SIGLEC12: variants seen among roughly 807,000 people sequenced by gnomAD.
SIGLEC12 encodes the protein sialic acid binding Ig like lectin 12, also known as sialic acid-binding Ig-like lectin 12.
In SIGLEC12, 43 loss-of-function variants were observed where a neutral mutation model predicts 54.1. The ratio of observed to expected loss-of-function variants is 0.80; its 90% confidence interval spans 0.62 to 1.03. The LOEUF is 1.03. SIGLEC12 is among the 50% of genes least tolerant of loss of function. The probability of loss-of-function intolerance (pLI) is 0.00; values close to 1 mark genes in which losing one functional copy is unlikely to be tolerated. For missense variants in SIGLEC12, 802 were observed against 735.2 expected (o/e 1.09, Z -1.05); for synonymous variants, 357 against 307.6 (o/e 1.16, Z -1.68).
intron 7 of SIGLEC12, among the ~76,000 whole-genome samples, 189 bp downstream of exon 7, chr19:51,496,691 C>T (rs1990247611): frequency 1.3e-5 from 2 of 152,028 alleles, no homozygotes; most frequent in African/African-American, 2.4e-5. Flanking sequence ...GATCCAGAGG[C>T]TTCAGCAGTG....
At chr19:51,496,244 C>T (rs1028629640) in intron 7 of SIGLEC12, among the ~76,000 whole-genome samples, 5 of 152,116 alleles carry the variant, frequency 3.3e-5, no homozygotes, top group African/African-American at 4.8e-5. Context: ...CTGAGGCAGG[C>T]GATCACCTGA....
chr19:51,495,671 C>T (rs1333029968), intron 7 of SIGLEC12, among the ~76,000 whole-genome samples: 12 of 152,084 alleles, frequency 7.9e-5, no homozygotes, highest in African/African-American at 1.2e-4. Flanking sequence ...GGCCATATCC[C>T]TCTGTATAGA....
rs756757682 is a variant in SIGLEC12 at position 51,501,422 on chromosome 19, A to G, written c.312T>C (p.Cys104=). The G allele has an allele frequency of 1.9e-6, 3 of 1,614,178 alleles. No individual in the cohort carries two copies. Among genetic ancestry groups the G allele is most frequent in the South Asian group, 1.1e-5 (1 of 91,090 alleles). ...CTCTGGTGTCTCTGATGCTCAGGGT[A>G]CAATCCTTGTTCTGTGGGTCCCCAA... ...HLLGDPQNKD[C]TLSIRDTRES... is the part of the protein sequence containing the mutation. Residue 104 remains cysteine, a synonymous_variant, in exon 1 of 8, where the codon TGT becomes TGC. Transcript: ENST00000291707.
rs184169588 is a variant in SIGLEC12 at position 51,499,292 on chromosome 19, T to C, written c.1088-75A>G. On this transcript the variant is annotated intron_variant, in intron 3 of 7. Coordinates refer to ENST00000291707, the MANE Select transcript of SIGLEC12 (RefSeq NM_053003.4). ...TGACCCTGTCTCCCCAGGAGCCCCA[T>C]AAATGGGGAAGGTGGAGCCAGCATC... 7.2e-5 allele frequency: 115 copies of C among 1,587,512 alleles called. 1 individual carries two copies. The African/African-American group carries it at 1.5e-3, about 21-fold the overall frequency.
intron 3 of SIGLEC12, 67 bp downstream of exon 3, chr19:51,499,371 G>T: frequency 6.5e-7 from 1 of 1,546,122 alleles, no homozygotes; most frequent in Non-Finnish European, 8.7e-7. Context: ...CTTGAGTCTG[G>T]GTCCCACATC....
chr19:51,500,341 C>T, intron 1 of SIGLEC12, 41 bp from the exon 2 acceptor site: 8 of 1,614,094 alleles, frequency 5.0e-6, no homozygotes, highest in Non-Finnish European at 6.8e-6. Context: ...CACTGTCCCT[C>T]TCTTCATTTG....
chr19:51,496,982 T>G lies in SIGLEC12; in HGVS notation c.1503-6A>C, dbSNP rs1990258749. On this transcript the variant is annotated splice_polypyrimidine_tract_variant and splice_region_variant and intron_variant, in intron 6 of 7. Coordinates refer to ENST00000291707, the MANE Select transcript of SIGLEC12 (RefSeq NM_053003.4). ...TCTTCCTGCAGGACCTCACTCTGAG[T>G]GAAGAGACCAGAGAGCCTTTCAGTG... is the stretch of plus-strand genomic sequence containing the variant. 1 of 1,612,894 alleles carries G rather than the reference T, an allele frequency of 6.2e-7. No individual in the cohort carries two copies. The highest frequency in any genetic ancestry group is 8.5e-7 in the Non-Finnish European group (1 of 1,179,956).
At chr19:51,499,881 G>A (rs754586135) in intron 2 of SIGLEC12, 39 bp downstream of exon 2, 1 of 1,576,124 alleles carries the variant, frequency 6.3e-7, no homozygotes, top group South Asian at 1.2e-5. Context: ...GCGGCCCTCG[G>A]GCCTTCCCCT....
chr19:51,501,679 T>C lies in SIGLEC12; in HGVS notation c.55A>G (p.Lys19Glu), dbSNP rs565504103. The change falls in exon 1 of 8, where the codon AAG becomes GAG. Residue 19 changes from lysine to glutamate, a missense_variant. By Grantham distance (56) the Lys-to-Glu change is moderately conservative. Transcript: ENST00000291707. ...GTCAGCAGGTAATCCTTCTGTTCCT[T>C]AGCCCCCACTCTCCCACAGAGCAGG... is the stretch of plus-strand genomic sequence containing the variant. ...PPLLCGRVGA[K>E]EQKDYLLTMQ... The C allele has an allele frequency of 1.6e-5, 26 of 1,613,968 alleles. No homozygotes were observed. In the South Asian group the frequency reaches 2.5e-4, roughly 16 times the overall value.
intron 7 of SIGLEC12, among the ~76,000 whole-genome samples, chr19:51,494,662 C>T (rs1990180121): frequency 6.6e-6 from 1 of 152,208 alleles, no homozygotes. Flanking sequence ...TATTTGCATG[C>T]CCATGCTCAC....
chr19:51,497,267 G>C (rs1436956651), intron 6 of SIGLEC12, 82 bp downstream of exon 6: 2 of 1,279,294 alleles, frequency 1.6e-6, no homozygotes, highest in Non-Finnish European at 1.1e-6. Flanking sequence ...GACCCATCCA[G>C]GTCCTTCCAG....
intron 7 of SIGLEC12, among the ~76,000 whole-genome samples, chr19:51,496,448 A>G (rs1252289268): frequency 1.3e-5 from 2 of 152,220 alleles, no homozygotes; most frequent in Non-Finnish European, 2.9e-5. Flanking sequence ...CTGGGCAACA[A>G]GATCAAAACT....
At chr19:51,495,121 A>G (rs1043944514) in intron 7 of SIGLEC12, among the ~76,000 whole-genome samples, 1 of 143,900 alleles carries the variant, frequency 6.9e-6, no homozygotes, top group African/African-American at 2.5e-5. Flanking sequence ...TCCACCGTAG[A>G]TGGCTGGATG....
At chr19:51,495,729 G>T (rs879857256) in intron 7 of SIGLEC12, among the ~76,000 whole-genome samples, 36 of 152,148 alleles carry the variant, frequency 2.4e-4, no homozygotes, top group Non-Finnish European at 4.4e-5. Flanking sequence ...CCACAGATGG[G>T]TCGCTGGCAT....
chr19:51,499,877 C>T, intron 2 of SIGLEC12, 43 bp downstream of exon 2: 1 of 1,573,692 alleles, frequency 6.4e-7, no homozygotes, highest in Non-Finnish European at 8.6e-7. Context: ...CCCTGCGGCC[C>T]TCGGGCCTTC....
At chr19:51,497,885 C>T (rs898417641) in intron 5 of SIGLEC12, 133 bp downstream of exon 5, 10 of 1,294,462 alleles carry the variant, frequency 7.7e-6, no homozygotes, top group Non-Finnish European at 1.1e-5. Context: ...CCTCCCCTCT[C>T]CCCACCCCGC....
chr19:51,498,456 T>C (rs573879829), intron 4 of SIGLEC12, among the ~76,000 whole-genome samples, 169 bp from the exon 5 acceptor site: 20 of 152,244 alleles, frequency 1.3e-4, no homozygotes, highest in Non-Finnish European at 2.4e-4. Flanking sequence ...CATCTTTAAT[T>C]AGAACAATTT....
At chr19:51,499,865 T>C (rs1599956299) in intron 2 of SIGLEC12, 55 bp downstream of exon 2, 2 of 1,563,740 alleles carry the variant, frequency 1.3e-6, no homozygotes, top group East Asian at 2.2e-5. Flanking sequence ...ACCTCAGCCC[T>C]ACCCTGCGGC....
At chr19:51,497,491 G>A (rs563374570) in intron 5 of SIGLEC12, 46 bp from the exon 6 acceptor site, 3 of 1,438,400 alleles carry the variant, frequency 2.1e-6, no homozygotes, top group Middle Eastern at 3.5e-4. Context: ...TCCAAGAACT[G>A]GGCCTCTTCT....
Sources: allele counts gnomAD v4.1 joint callset (sites outside exome capture counted in the v4.1 genomes callset), GRCh38; gene constraint gnomAD v4.1.1; transcripts MANE v1.5; gene names NCBI Gene and HGNC (gene_info 2026-07-23, HGNC 2026-07-21).